The following NFIX variants were observed in gnomAD, a reference collection of about 807,000 sequenced individuals.
NFIX encodes nuclear factor I X.
A neutral mutation model predicts 53.3 loss-of-function variants in NFIX; 2 were observed. The ratio of observed to expected loss-of-function variants is 0.04; its 90% confidence interval spans 0.02 to 0.12. NFIX has a LOEUF of 0.12. Among genes scored for constraint, NFIX ranks in the 10% least tolerant of loss-of-function variants. NFIX has a pLI of 1.00. For missense variants in NFIX, 310 were observed against 674.5 expected (o/e 0.46, Z 5.99); for synonymous variants, 244 against 289.0 (o/e 0.84, Z 1.58).
At chr19:13,077,949 G>A (rs994993676) in intron 6 of NFIX, among the ~76,000 whole-genome samples, 4 of 152,206 alleles carry the variant, frequency 2.6e-5, no homozygotes, top group Non-Finnish European at 5.9e-5. Flanking sequence ...TCCATCCTAT[G>A]GCAGCTGAGC....
intron 2 of NFIX, among the ~76,000 whole-genome samples, chr19:13,041,901 T>TGTTTGTTA (rs1212567761): frequency 1.3e-5 from 2 of 152,116 alleles, no homozygotes; most frequent in African/African-American, 2.4e-5. Flanking sequence ...TTTGTTTGTT[T>TGTTTGTTA]GTTTGTTAGT....
At chr19:13,020,748 C>T (rs941599046) in intron 1 of NFIX, among the ~76,000 whole-genome samples, 1 of 152,194 alleles carries the variant, frequency 6.6e-6, no homozygotes, top group South Asian at 2.1e-4. Context: ...CCTCTGATCT[C>T]TCCGCCAGTC....
rs965140701 is a variant in NFIX, at chr19:13,098,146, C to G, written c.*3497C>G. 8 of 152,478 alleles carry G rather than the reference C, an allele frequency of 5.2e-5. No homozygotes were observed. Among genetic ancestry groups the G allele is most frequent in the East Asian group, 1.9e-4 (1 of 5,172 alleles). 9.4% of individuals were successfully genotyped at this position (152,478 alleles called of 1,614,324 possible). ...TGGCTCAGACGACCCACCACTCCCC[C>G]ACCCTGACCGTGCTGAACAGACCCC... On this transcript the variant is annotated 3_prime_UTR_variant, in exon 11 of 11. Transcript: ENST00000592199.
At chr19:13,030,189 AATT>A (rs1242624918) in intron 2 of NFIX, among the ~76,000 whole-genome samples, 6 of 152,206 alleles carry the variant, frequency 3.9e-5, no homozygotes, top group Admixed American at 1.3e-4. Context: ...TGACGCCTAA[AATT>A]AGCAGGATCT....
rs1240220480 is a variant in NFIX, at chr19:13,068,704, G to A, written c.560-4343G>A. Among the ~76,000 whole-genome samples the A allele has an allele frequency of 6.6e-6, 1 of 152,242 alleles. No individual in the cohort carries two copies. Among genetic ancestry groups the A allele is most frequent in the Non-Finnish European group, 1.5e-5 (1 of 68,044 alleles). ...CAGCAGAGCCCACTTGGGCCCATGCGGAGGGAGTCCAGTCTTATTGCCTGC... is the reference window on the plus strand; with the variant it reads ...CAGCAGAGCCCACTTGGGCCCATGCAGAGGGAGTCCAGTCTTATTGCCTGC... On this transcript the variant is annotated intron_variant, in intron 2 of 10. Transcript: ENST00000592199. This position sits in a 1 kb window ranked among gnomAD's most constrained non-coding sequence, Gnocchi z 4.2.
chr19:13,094,349 G>A lies in NFIX; in HGVS notation c.1495-286G>A, dbSNP rs1366393380. Among the ~76,000 whole-genome samples the A allele has an allele frequency of 6.6e-6, 1 of 152,232 alleles. No homozygotes were observed. Among genetic ancestry groups the A allele is most frequent in the African/African-American group, 2.4e-5 (1 of 41,458 alleles). On this transcript the variant is annotated intron_variant, in intron 10 of 10. Transcript: ENST00000592199. This position sits in a 1 kb window ranked among gnomAD's most constrained non-coding sequence, Gnocchi z 4.3. ...ATGGCCAGATCTCAGGCCTGTGCCAGCGCCAGCCATGGGGGTCCCACCCGC... is the reference window on the plus strand; with the variant it reads ...ATGGCCAGATCTCAGGCCTGTGCCAACGCCAGCCATGGGGGTCCCACCCGC...
At chr19:13,048,987 G>A (rs2145306583) in intron 2 of NFIX, among the ~76,000 whole-genome samples, 1 of 152,280 alleles carries the variant, frequency 6.6e-6, no homozygotes, top group East Asian at 1.9e-4. Context: ...TGAGGCAGGA[G>A]AATCACTTGA....
chr19:13,088,173 C>CG lies in NFIX; in HGVS notation c.1402+38dup, dbSNP rs1568331626. On this transcript the variant is annotated intron_variant, in intron 9 of 10. Coordinates refer to ENST00000592199, the MANE Select transcript of NFIX (RefSeq NM_001365902.3). The surrounding 1 kb of genome is among the most constrained non-coding windows in gnomAD (Gnocchi z 5.9). The stretch of plus-strand genomic sequence containing the variant: ...ATGAAACCGAAACCACAACGCCCAG[C>CG]GTCCCCGGCCCGTCCAAACAGTCTC... The CG allele has an allele frequency of 6.5e-7, 1 of 1,534,876 alleles. No individual in the cohort carries two copies. Among genetic ancestry groups the CG allele is most frequent in the East Asian group, 2.4e-5 (1 of 40,874 alleles).
At chr19:13,064,081 C>G (rs1314139830) in intron 2 of NFIX, among the ~76,000 whole-genome samples, 1 of 152,170 alleles carries the variant, frequency 6.6e-6, no homozygotes, top group Non-Finnish European at 1.5e-5. Flanking sequence ...GGGACCCCCC[C>G]CCTCCCCAGG....
At chr19:13,084,995 G>A (rs917914993) in intron 8 of NFIX, among the ~76,000 whole-genome samples, 8 of 151,290 alleles carry the variant, frequency 5.3e-5, no homozygotes, top group Admixed American at 1.3e-4. Context: ...GCTTGAACCC[G>A]GGAGGCGGAG....
chr19:13,009,815 T>A lies in NFIX; in HGVS notation c.27+13951T>A, dbSNP rs567288619. Reference sequence around the variant, plus strand: ...TAGGCTTGAGTGTCTGATGTGTGAGTGGCCATGTGGACGGCTGGAGTTGGT... The same window carrying A: ...TAGGCTTGAGTGTCTGATGTGTGAGAGGCCATGTGGACGGCTGGAGTTGGT... On this transcript the variant is annotated intron_variant, in intron 1 of 10. Transcript: ENST00000592199. The surrounding 1 kb of genome is among the most constrained non-coding windows in gnomAD (Gnocchi z 4.7). Among the ~76,000 whole-genome samples, 2 of 152,326 alleles carry A rather than the reference T, an allele frequency of 1.3e-5. No homozygotes were observed. The highest frequency in any genetic ancestry group is 4.1e-4 in the South Asian group (2 of 4,832).
chr19:13,043,698 A>G lies in NFIX; in HGVS notation c.559+18146A>G, dbSNP rs753625740. Among the ~76,000 whole-genome samples the G allele has an allele frequency of 2.0e-5, 3 of 152,200 alleles. No individual in the cohort carries two copies. The highest frequency in any genetic ancestry group is 2.4e-5 in the African/African-American group (1 of 41,448). ...CAGTGTCCCCCAGGGCCATGCAGGC[A>G]GGGACACACAGCCCCCTTGTGCCCT... On this transcript the variant is annotated intron_variant, in intron 2 of 10. Transcript: ENST00000592199. The surrounding 1 kb of genome is among the most constrained non-coding windows in gnomAD (Gnocchi z 4.0).
At chr19:13,050,887 C>T (rs767780188) in intron 2 of NFIX, among the ~76,000 whole-genome samples, 4 of 152,232 alleles carry the variant, frequency 2.6e-5, no homozygotes, top group Non-Finnish European at 5.9e-5. Flanking sequence ...CTTCACTCCT[C>T]TAAGCATGTG....
At chr19:13,003,740 A>G (rs1047620599) in intron 1 of NFIX, among the ~76,000 whole-genome samples, 20 of 151,888 alleles carry the variant, frequency 1.3e-4, no homozygotes, top group African/African-American at 4.6e-4. Flanking sequence ...CCAAGCTCAA[A>G]CGATCTACCC....
At chr19:13,010,112 C>T (rs79946473) in intron 1 of NFIX, among the ~76,000 whole-genome samples, 3,963 of 152,344 alleles carry the variant, frequency 0.026, 72 homozygotes, top group Middle Eastern at 0.065. Flanking sequence ...TGTTCCTCCC[C>T]CGCCTGCTCC....
At chr19:13,015,808 A>ACACACG (rs3046156) in intron 1 of NFIX, among the ~76,000 whole-genome samples, 55,609 of 150,636 alleles carry the variant, frequency 0.37, 11,122 homozygotes, top group East Asian at 0.54. Flanking sequence ...ACACACACAC[A>ACACACG]CACACGCACA....
chr19:12,999,487 AACACACAC>A (rs111890375), intron 1 of NFIX, among the ~76,000 whole-genome samples: 39 of 149,272 alleles, frequency 2.6e-4, no homozygotes, highest in Admixed American at 6.7e-4. Flanking sequence ...TACCTTTTCA[AACACACAC>A]ACACACACAC....
intron 1 of NFIX, among the ~76,000 whole-genome samples, chr19:13,020,179 G>GA (rs2012892637): frequency 6.6e-6 from 1 of 152,198 alleles, no homozygotes; most frequent in African/African-American, 2.4e-5. Flanking sequence ...GGGGAGAAGA[G>GA]AAGGAGGCTG....
In NFIX at chr19:13,001,307, C is replaced by G. The variant is rs558930904; in HGVS notation, c.27+5443C>G. On this transcript the variant is annotated intron_variant, in intron 1 of 10. Transcript: ENST00000592199. This position sits in a 1 kb window ranked among gnomAD's most constrained non-coding sequence, Gnocchi z 6.5. ...TCTGCCCGGGTCCCTCTCCATGCCT[C>G]TCCATGTCTCCCAGCGTCCATCACT... Among the ~76,000 whole-genome samples, 131 of 152,328 alleles carry G rather than the reference C, an allele frequency of 8.6e-4. No homozygotes were observed. The highest frequency in any genetic ancestry group is 6.8e-3 in the Middle Eastern group (2 of 294).
Sources: allele counts gnomAD v4.1 joint callset (sites outside exome capture counted in the v4.1 genomes callset), GRCh38; gene constraint gnomAD v4.1.1; non-coding constraint Gnocchi (gnomAD v3.1); transcripts MANE v1.5; gene names NCBI Gene and HGNC (gene_info 2026-07-23, HGNC 2026-07-21).